Variants in RNF115 observed in about 807,000 individuals in gnomAD.
The protein encoded by RNF115 is E3 ubiquitin-protein ligase RNF115.
In RNF115, 31 loss-of-function variants were observed where a neutral mutation model predicts 39.2. That is an observed-to-expected ratio of 0.79 (90% CI 0.59 to 1.07). RNF115 has a LOEUF of 1.07. RNF115 is among the 50% of genes least tolerant of loss of function. RNF115 has a pLI of 0.00. For synonymous variants in RNF115, 124 were observed against 131.0 expected (o/e 0.95, Z 0.37); for missense variants, 384 against 381.7 (o/e 1.01, Z -0.05).
Position 145,788,968 on chromosome 1 carries a change from T to C in RNF115, c.103-2A>G. On this transcript the variant is annotated splice_acceptor_variant, in intron 1 of 8. Transcript: ENST00000582693. LOFTEE classifies it high-confidence loss of function. Reference sequence around the variant, plus strand: ...TTCACATCTGGGACATATATATTCCTATAAAAGAAAGGAAGAAACAAATAA... The same window carrying C: ...TTCACATCTGGGACATATATATTCCCATAAAAGAAAGGAAGAAACAAATAA... 1 of 1,577,984 alleles carries C rather than the reference T, an allele frequency of 6.3e-7. No homozygotes were observed. The highest frequency in any genetic ancestry group is 8.7e-7 in the Non-Finnish European group (1 of 1,153,116).
intron 3 of RNF115, 148 bp from the exon 4 acceptor site, chr1:145,772,067 T>C (rs1647669922): frequency 1.5e-6 from 1 of 655,694 alleles, no homozygotes; most frequent in Non-Finnish European, 2.6e-6. Flanking sequence ...ATATTTTTGG[T>C]CTGTAAAACT....
At chr1:145,798,162 C>T (rs1571768383) in intron 1 of RNF115, among the ~76,000 whole-genome samples, 1 of 152,242 alleles carries the variant, frequency 6.6e-6, no homozygotes, top group East Asian at 1.9e-4. Flanking sequence ...TCCCATTTGC[C>T]TATTTTTGCT....
At position 145,824,008 on chromosome 1, in the gene RNF115, T is replaced by G; in HGVS notation, c.-135A>C. ...CGCTTCAGAGCCCGCGTCGGTCACGTGAGTTGGCCAGGCCCAGAAACGCGG... is the reference window on the plus strand; with the variant it reads ...CGCTTCAGAGCCCGCGTCGGTCACGGGAGTTGGCCAGGCCCAGAAACGCGG... On this transcript the variant is annotated 5_prime_UTR_variant, in exon 1 of 9. Transcript: ENST00000582693. 1.6e-6 allele frequency: 1 copy of G among 610,760 alleles called. No individual in the cohort carries two copies. Among genetic ancestry groups the G allele is most frequent in the Non-Finnish European group, 2.6e-6 (1 of 387,484 alleles). 37.8% of individuals were successfully genotyped at this position (610,760 alleles called of 1,614,324 possible). A position where few individuals can be genotyped will look rare whatever the true frequency, so the allele number is the denominator to read the frequency against.
intron 3 of RNF115, among the ~76,000 whole-genome samples, chr1:145,781,900 CTTTTTTTTT>C (rs34615861): frequency 7.4e-6 from 1 of 135,560 alleles, no homozygotes; most frequent in East Asian, 2.1e-4. Flanking sequence ...TACACTTTTC[CTTTTTTTTT>C]TTTTTTTTGG....
Position 145,740,763 on chromosome 1 carries a change from T to C in RNF115, c.*6103A>G, listed in dbSNP as rs868947789. On this transcript the variant is annotated 3_prime_UTR_variant, in exon 9 of 9. Coordinates refer to ENST00000582693, the MANE Select transcript of RNF115 (RefSeq NM_014455.4). ...TAACTTAAAAGCATTACTGAAATCA[T>C]AGCAGCTTTTTGTTATGTATTCTTT... The C allele has an allele frequency of 6.6e-6, 1 of 152,252 alleles. No homozygotes were observed. Among genetic ancestry groups the C allele is most frequent in the Non-Finnish European group, 1.5e-5 (1 of 68,046 alleles). The allele number at this position is 152,252 out of a possible 1,614,324, so 9.4% of individuals were successfully genotyped here. A position where few individuals can be genotyped will look rare whatever the true frequency, so the allele number is the denominator to read the frequency against.
chr1:145,765,621 T>C (rs1418440448), intron 4 of RNF115, among the ~76,000 whole-genome samples: 2 of 144,242 alleles, frequency 1.4e-5, no homozygotes, highest in African/African-American at 5.2e-5. Context: ...ACAAATGAGT[T>C]TTATAGTCAC....
intron 4 of RNF115, among the ~76,000 whole-genome samples, 186 bp from the exon 5 acceptor site, chr1:145,753,235 C>A (rs1658164140): frequency 6.6e-6 from 1 of 152,182 alleles, no homozygotes; most frequent in Non-Finnish European, 1.5e-5. Flanking sequence ...TTATGGCTAT[C>A]TTCCTGAGCT....
chr1:145,814,313 C>A (rs1186416717), intron 1 of RNF115, among the ~76,000 whole-genome samples: 1 of 151,892 alleles, frequency 6.6e-6, no homozygotes, highest in East Asian at 1.9e-4. Context: ...CCCTGGGAAA[C>A]AAAACTACCT....
chr1:145,739,996 G>T lies in RNF115; in HGVS notation c.*6870C>A, dbSNP rs896422564. ...GAATCAAAATGAGAGTCTGGATTTG[G>T]GACCTAGAGCCATTTGAGTTCTGAC... On this transcript the variant is annotated 3_prime_UTR_variant, in exon 9 of 9. Coordinates refer to ENST00000582693, the MANE Select transcript of RNF115 (RefSeq NM_014455.4). The T allele has an allele frequency of 6.6e-6, 1 of 152,118 alleles. No homozygotes were observed. Among genetic ancestry groups the T allele is most frequent in the Non-Finnish European group, 1.5e-5 (1 of 68,026 alleles). 9.4% of individuals were successfully genotyped at this position (152,118 alleles called of 1,614,324 possible). A position where few individuals can be genotyped will look rare whatever the true frequency, so the allele number is the denominator to read the frequency against.
rs138023023 is a variant in RNF115, at chr1:145,762,760, AC to A, written c.428+8950del. ...GTGGTCAGAAATCTATGGTCCAAGA[AC>A]CTAGGGTTAATTTCAGAAGAACATA... On this transcript the variant is annotated intron_variant, in intron 4 of 8. Transcript: ENST00000582693. Among the ~76,000 whole-genome samples, 22 of 152,262 alleles carry A rather than the reference AC, an allele frequency of 1.4e-4. No individual in the cohort carries two copies. The East Asian group carries it at 4.2e-3, about 29-fold the overall frequency.
intron 1 of RNF115, among the ~76,000 whole-genome samples, chr1:145,805,854 T>C (rs1390731430): frequency 1.3e-5 from 2 of 152,006 alleles, no homozygotes; most frequent in African/African-American, 2.4e-5. Flanking sequence ...AAATAAAACA[T>C]TTTTTCCCAC....
chr1:145,773,175 G>A (rs1647718245), intron 3 of RNF115: 1 of 152,116 alleles, frequency 6.6e-6, no homozygotes, highest in Non-Finnish European at 1.5e-5. Context: ...CTGATTTAAA[G>A]TTTTTGTCTA....
intron 1 of RNF115, among the ~76,000 whole-genome samples, chr1:145,814,444 G>C (rs71267168): frequency 1.8e-4 from 27 of 151,762 alleles, no homozygotes; most frequent in Non-Finnish European, 2.8e-4. Flanking sequence ...TTAGCCAGGC[G>C]TGGTGGCAGG....
chr1:145,778,746 A>T (rs1370434795), intron 3 of RNF115, among the ~76,000 whole-genome samples: 1 of 152,148 alleles, frequency 6.6e-6, no homozygotes, highest in Non-Finnish European at 1.5e-5. Flanking sequence ...TTTTATGTAA[A>T]GGGCATCATA....
intron 3 of RNF115, among the ~76,000 whole-genome samples, chr1:145,774,636 C>G (rs1647796480): frequency 6.6e-6 from 1 of 152,154 alleles, no homozygotes; most frequent in African/African-American, 2.4e-5. Context: ...CAGGCGTGAG[C>G]CATGGCGCCC....
chr1:145,797,074 A>C (rs769996735), intron 1 of RNF115, among the ~76,000 whole-genome samples: 4 of 152,200 alleles, frequency 2.6e-5, no homozygotes, highest in Non-Finnish European at 5.9e-5. Flanking sequence ...CACTGCATCT[A>C]AACAATGAAA....
At chr1:145,772,161 A>G (rs1447257509) in intron 3 of RNF115, 1 of 411,904 alleles carries the variant, frequency 2.4e-6, no homozygotes, top group Non-Finnish European at 4.4e-6. Flanking sequence ...AACACCCACC[A>G]AGTGTTTAAG....
At chr1:145,754,616 C>A (rs1658229529) in intron 4 of RNF115, among the ~76,000 whole-genome samples, 1 of 152,216 alleles carries the variant, frequency 6.6e-6, no homozygotes, top group South Asian at 2.1e-4. Context: ...GGATTATAGG[C>A]ATGAGCCACC....
At position 145,780,487 on chromosome 1, in the gene RNF115, G is replaced by T. The variant is rs587650258; in HGVS notation, c.219+4052C>A. ...TATAAAAAATTAGCCAGGCGTGGTG[G>T]CACGCGCCTGTGGTCCCAGCTACTC... On this transcript the variant is annotated intron_variant, in intron 3 of 8. Transcript: ENST00000582693. 1.8e-4 allele frequency among the ~76,000 whole-genome samples: 28 copies of T among 151,732 alleles called. No homozygotes were observed. In the South Asian group the frequency reaches 5.6e-3, roughly 31 times the overall value.
Sources: allele counts gnomAD v4.1 joint callset (sites outside exome capture counted in the v4.1 genomes callset), GRCh38; gene constraint gnomAD v4.1.1; transcripts MANE v1.5; gene names NCBI Gene and HGNC (gene_info 2026-07-23, HGNC 2026-07-21).